The following TTC29 variants were observed in gnomAD, a reference collection of about 807,000 sequenced individuals.
The protein encoded by TTC29 is tetratricopeptide repeat domain 29.
TTC29 carries 49 observed loss-of-function variants against 58.1 expected under a neutral mutation model. That is an observed-to-expected ratio of 0.84 (90% CI 0.67 to 1.07). TTC29 has a LOEUF of 1.07. Among genes scored for constraint, TTC29 ranks in the 50% least tolerant of loss-of-function variants. The pLI, the probability that TTC29 is intolerant of heterozygous loss-of-function variation, is 0.00. For missense variants in TTC29, 582 were observed against 555.6 expected, an observed-to-expected ratio of 1.05 and a Z score of -0.48; for synonymous variants, 209 against 196.8, an observed-to-expected ratio of 1.06 and a Z score of -0.52.
chr4:146,801,842 A>G (rs1750242352), intron 11 of TTC29, among the ~76,000 whole-genome samples: 1 of 151,498 alleles, frequency 6.6e-6, no homozygotes, highest in East Asian at 1.9e-4. Context: ...GCCGGGCGTC[A>G]TGGTTGGGTG....
chr4:146,781,487 A>G (rs1188108293), intron 11 of TTC29, among the ~76,000 whole-genome samples: 1 of 151,952 alleles, frequency 6.6e-6, no homozygotes, highest in Non-Finnish European at 1.5e-5. Flanking sequence ...GCAAAATCAC[A>G]TATAATTTTA....
intron 9 of TTC29, among the ~76,000 whole-genome samples, chr4:146,826,464 C>T (rs1727804877): frequency 6.6e-6 from 1 of 152,186 alleles, no homozygotes; most frequent in Admixed American, 6.5e-5. Context: ...TGCAGAGTTT[C>T]TGCTGAGATG....
At chr4:146,725,246 C>A (rs1478972023) in intron 11 of TTC29, among the ~76,000 whole-genome samples, 4 of 152,096 alleles carry the variant, frequency 2.6e-5, no homozygotes, top group African/African-American at 9.7e-5. Context: ...ATAAAAATTA[C>A]TGGAAAGGCC....
At chr4:146,846,590 C>G (rs756438582) in intron 8 of TTC29, among the ~76,000 whole-genome samples, 2 of 152,174 alleles carry the variant, frequency 1.3e-5, no homozygotes, top group Non-Finnish European at 2.9e-5. Context: ...TAACCTTCTT[C>G]CTTTTGGCCA....
Position 146,833,821 on chromosome 4 carries a change from G to T in TTC29, c.962C>A (p.Ala321Asp). The T allele has an allele frequency of 6.2e-7, 1 of 1,613,070 alleles. No homozygotes were observed. The highest frequency in any genetic ancestry group is 2.2e-5 in the East Asian group (1 of 44,804). Residue 321 changes from alanine (A) to aspartate (D), a missense_variant, in exon 9 of 13, where the codon GCC (alanine) becomes GAC (aspartate). By Grantham distance (126) the Ala-to-Asp change is moderately radical. Coordinates refer to ENST00000325106, the MANE Select transcript of TTC29 (RefSeq NM_031956.4). Reference protein sequence around the residue: ...LSLGRGYEAIAKVLQSQGEMT... With the variant: ...LSLGRGYEAIDKVLQSQGEMT... ...GCTAACTTACCTCTGCAGGACCTTGGCTATGGCTTCATAGCCTCTCCCCAG... is the reference window on the plus strand; with the variant it reads ...GCTAACTTACCTCTGCAGGACCTTGTCTATGGCTTCATAGCCTCTCCCCAG...
At position 146,886,037 on chromosome 4, in the gene TTC29, C is replaced by T. The variant is rs145153702; in HGVS notation, c.587-11109G>A. 7.2e-4 allele frequency among the ~76,000 whole-genome samples: 109 copies of T among 152,158 alleles called. No homozygotes were observed. In the East Asian group the frequency reaches 0.014, roughly 20 times the overall value. On this transcript the variant is annotated intron_variant, in intron 6 of 12. Coordinates refer to ENST00000325106, the MANE Select transcript of TTC29 (RefSeq NM_031956.4). ...CATTTTTCTTACCAATTGATGGATACATTAAAAGTTACTAAATCTGTATTA... is the reference window on the plus strand; with the variant it reads ...CATTTTTCTTACCAATTGATGGATATATTAAAAGTTACTAAATCTGTATTA...
chr4:146,927,845 A>G (rs1735041993), intron 4 of TTC29, among the ~76,000 whole-genome samples: 1 of 152,138 alleles, frequency 6.6e-6, no homozygotes. Context: ...GTGCAAGGCT[A>G]TGAAGGGGTA....
intron 11 of TTC29, among the ~76,000 whole-genome samples, chr4:146,720,205 A>G (rs1410376158): frequency 1.3e-5 from 2 of 152,196 alleles, no homozygotes; most frequent in Admixed American, 6.5e-5. Flanking sequence ...CAGATTGATC[A>G]AAAAAGGATT....
At chr4:146,778,041 G>T (rs1448728270) in intron 11 of TTC29, among the ~76,000 whole-genome samples, 1 of 152,108 alleles carries the variant, frequency 6.6e-6, no homozygotes, top group Non-Finnish European at 1.5e-5. Context: ...GTCAAGTGTT[G>T]GCCACAATGA....
At chr4:146,902,856 C>T (rs1733246741) in intron 6 of TTC29, among the ~76,000 whole-genome samples, 1 of 152,164 alleles carries the variant, frequency 6.6e-6, no homozygotes, top group Non-Finnish European at 1.5e-5. Context: ...AGCAGTTTCA[C>T]CAAAGTAAAA....
At chr4:146,929,669 A>AATAT (rs2150315985) in intron 4 of TTC29, among the ~76,000 whole-genome samples, 1 of 152,244 alleles carries the variant, frequency 6.6e-6, no homozygotes, top group East Asian at 1.9e-4. Context: ...GATGTTGGTT[A>AATAT]ATATAAATCT....
intron 11 of TTC29, among the ~76,000 whole-genome samples, chr4:146,785,073 T>C (rs988980530): frequency 5.9e-5 from 9 of 152,136 alleles, no homozygotes; most frequent in Non-Finnish European, 1.2e-4. Flanking sequence ...GTTTGTTTGA[T>C]AGGTTTTGTG....
At chr4:146,748,852 C>A (rs1182460138) in intron 11 of TTC29, among the ~76,000 whole-genome samples, 1 of 152,084 alleles carries the variant, frequency 6.6e-6, no homozygotes, top group African/African-American at 2.4e-5. Flanking sequence ...AACATGGCAT[C>A]ACCAAAAAAC....
At chr4:146,902,087 C>T (rs1379903061) in intron 6 of TTC29, among the ~76,000 whole-genome samples, 1 of 152,218 alleles carries the variant, frequency 6.6e-6, no homozygotes, top group Non-Finnish European at 1.5e-5. Context: ...AATATGTTCT[C>T]TTAAATACAG....
chr4:146,849,738 C>T (rs577849106), intron 8 of TTC29, among the ~76,000 whole-genome samples: 2 of 152,214 alleles, frequency 1.3e-5, no homozygotes, highest in East Asian at 3.9e-4. Flanking sequence ...CTTATCTCCA[C>T]TCTTCTCCCC....
At chr4:146,822,982 C>T (rs1046100679) in intron 9 of TTC29, among the ~76,000 whole-genome samples, 1 of 151,770 alleles carries the variant, frequency 6.6e-6, no homozygotes, top group African/African-American at 2.4e-5. Flanking sequence ...TATTTAAGTT[C>T]CTTGAAAATT....
chr4:146,898,999 A>C (rs1561233286), intron 6 of TTC29, among the ~76,000 whole-genome samples: 1 of 152,132 alleles, frequency 6.6e-6, no homozygotes, highest in Non-Finnish European at 1.5e-5. Context: ...CATCATGGGG[A>C]AGCGGAAAGA....
intron 11 of TTC29, among the ~76,000 whole-genome samples, chr4:146,790,189 T>A (rs66495517): frequency 0.11 from 17,262 of 151,698 alleles, 1,198 homozygotes; most frequent in East Asian, 0.21. Context: ...CTTTCTTTTT[T>A]TTTTTTTCTT....
chr4:146,921,009 C>T (rs1036204458), intron 4 of TTC29, among the ~76,000 whole-genome samples: 5 of 151,270 alleles, frequency 3.3e-5, no homozygotes, highest in Non-Finnish European at 7.4e-5. Flanking sequence ...AATACATTTC[C>T]CTATCAAACT....
Sources: allele counts gnomAD v4.1 joint callset (sites outside exome capture counted in the v4.1 genomes callset), GRCh38; gene constraint gnomAD v4.1.1; transcripts MANE v1.5; gene names NCBI Gene and HGNC (gene_info 2026-07-23, HGNC 2026-07-21).